The following NPAS3 variants were observed in gnomAD, a reference collection of about 807,000 sequenced individuals.
NPAS3 encodes neuronal PAS domain-containing protein 3.
In NPAS3, 14 loss-of-function variants were observed where a neutral mutation model predicts 73.1. That is an observed-to-expected ratio of 0.19 (90% CI 0.13 to 0.30). The LOEUF (loss-of-function observed/expected upper bound fraction) is 0.30. Among genes scored for constraint, NPAS3 ranks in the 10% least tolerant of loss-of-function variants. The probability of loss-of-function intolerance (pLI) is 1.00; values close to 1 mark genes in which losing one functional copy is unlikely to be tolerated. For missense variants in NPAS3, 1,096 were observed against 1,250.0 expected, an observed-to-expected ratio of 0.88 and a Z score of 1.86; for synonymous variants, 620 against 541.5, an observed-to-expected ratio of 1.14 and a Z score of -2.01.
chr14:33,066,649 A>G (rs934832917), intron 2 of NPAS3, among the ~76,000 whole-genome samples: 19 of 152,174 alleles, frequency 1.2e-4, no homozygotes, highest in Non-Finnish European at 2.5e-4. Context: ...GCTGTGGTAC[A>G]GAGTGTCCTG....
chr14:33,761,546 G>C (rs1037371661), intron 7 of NPAS3, among the ~76,000 whole-genome samples: 16 of 152,002 alleles, frequency 1.1e-4, no homozygotes, highest in Non-Finnish European at 1.5e-5. Context: ...TTGAACTCAA[G>C]GGGGTTTCAG....
At chr14:33,606,381 T>C (rs1223741530) in intron 5 of NPAS3, among the ~76,000 whole-genome samples, 2 of 151,900 alleles carry the variant, frequency 1.3e-5, no homozygotes, top group Admixed American at 6.6e-5. Flanking sequence ...ATTTCATCCA[T>C]GTCCCTACAA....
chr14:33,701,176 A>C (rs967790764), intron 6 of NPAS3, among the ~76,000 whole-genome samples: 2 of 152,244 alleles, frequency 1.3e-5, no homozygotes, highest in Admixed American at 6.5e-5. Context: ...CAGCCTACCA[A>C]GTATTTTCAA....
At position 33,368,248 on chromosome 14, in the gene NPAS3, A is replaced by G. The variant is rs2045928575; in HGVS notation, c.468+980A>G. The stretch of plus-strand genomic sequence containing the variant: ...CCTTTTCTAGGTTGTCAAAAGTAAT[A>G]CTACATTTAGCATATTATCTTTTAA... On this transcript the variant is annotated intron_variant, in intron 4 of 11. Transcript: ENST00000356141. Among the ~76,000 whole-genome samples, 3 of 152,026 alleles carry G rather than the reference A, an allele frequency of 2.0e-5. No individual in the cohort carries two copies. In the South Asian group the frequency reaches 6.2e-4, roughly 32 times the overall value.
chr14:33,326,607 C>T (rs6571593), intron 3 of NPAS3, among the ~76,000 whole-genome samples: 81,573 of 152,060 alleles, frequency 0.54, 24,221 homozygotes, highest in African/African-American at 0.81. Flanking sequence ...ACGTGAAAAT[C>T]TAACTGCCAA....
chr14:33,803,581 G>A (rs1379705747), downstream of NPAS3: 6 of 151,984 alleles, frequency 3.9e-5, no homozygotes, highest in Non-Finnish European at 8.8e-5. Context: ...CAGCTACAAA[G>A]AACAGCTAGA....
At chr14:33,596,231 C>T (rs759133919) in intron 5 of NPAS3, among the ~76,000 whole-genome samples, 24 of 152,150 alleles carry the variant, frequency 1.6e-4, no homozygotes, top group Non-Finnish European at 3.2e-4. Context: ...CAGTTTGTCA[C>T]TTGTATTTGT....
At chr14:33,583,607 G>A (rs973001133) in intron 5 of NPAS3, among the ~76,000 whole-genome samples, 2 of 152,108 alleles carry the variant, frequency 1.3e-5, no homozygotes, top group Non-Finnish European at 2.9e-5. Context: ...TAATTCCATA[G>A]CAGAGAAACA....
intron 5 of NPAS3, among the ~76,000 whole-genome samples, chr14:33,565,903 A>C (rs995517051): frequency 5.9e-5 from 9 of 152,030 alleles, no homozygotes; most frequent in Admixed American, 5.9e-4. Flanking sequence ...TTTTAAAAAA[A>C]AGCAGAAAAA....
intron 1 of NPAS3, among the ~76,000 whole-genome samples, chr14:32,972,324 G>C (rs1369348842): frequency 6.6e-6 from 1 of 152,124 alleles, no homozygotes; most frequent in African/African-American, 2.4e-5. Context: ...GAAACTTGAT[G>C]TTTTAGTGAC....
chr14:33,524,060 T>C (rs932842554), intron 4 of NPAS3, among the ~76,000 whole-genome samples: 1 of 152,168 alleles, frequency 6.6e-6, no homozygotes, highest in African/African-American at 2.4e-5. Context: ...TCAGATGGAC[T>C]TTGGGGAAAT....
chr14:33,004,817 C>CTTTTTTTTTTTTTTTT lies in NPAS3; in HGVS notation c.51-51084_51-51069dup. ...CTTTTTTCTATTGTAAAAAGTTTTC[C>CTTTTTTTTTTTTTTTT]TTTTTTTTTTTTTTTTTTTAGTTTT... On this transcript the variant is annotated intron_variant, in intron 1 of 11. Coordinates refer to ENST00000356141, the Ensembl canonical transcript of NPAS3. Among the ~76,000 whole-genome samples, 466 of 63,770 alleles carry CTTTTTTTTTTTTTTTT rather than the reference C, an allele frequency of 7.3e-3. 32 individuals carry two copies. The highest frequency in any genetic ancestry group is 0.011 in the Middle Eastern group (1 of 88). 41.8% of individuals were successfully genotyped at this position (63,770 alleles called of 152,430 possible). A position where few individuals can be genotyped will look rare whatever the true frequency, so the allele number is the denominator to read the frequency against.
chr14:33,754,106 C>G (rs1720816135), intron 7 of NPAS3, among the ~76,000 whole-genome samples: 1 of 152,150 alleles, frequency 6.6e-6, no homozygotes, highest in East Asian at 1.9e-4. Context: ...CCCGCGACCC[C>G]ACTGGGGTGG....
chr14:33,204,116 G>A (rs1286125789), intron 2 of NPAS3, among the ~76,000 whole-genome samples: 1 of 152,114 alleles, frequency 6.6e-6, no homozygotes, highest in South Asian at 2.1e-4. Flanking sequence ...GCATAAATGG[G>A]CTGAGCACTT....
At chr14:33,639,314 A>T (rs2058612772) in intron 5 of NPAS3, among the ~76,000 whole-genome samples, 1 of 152,252 alleles carries the variant, frequency 6.6e-6, no homozygotes, top group Non-Finnish European at 1.5e-5. Flanking sequence ...AGCTAGAGAC[A>T]AATTTAAAAT....
intron 4 of NPAS3, among the ~76,000 whole-genome samples, chr14:33,434,807 G>A (rs1441942496): frequency 3.3e-5 from 5 of 152,074 alleles, no homozygotes; most frequent in Non-Finnish European, 4.4e-5. Context: ...TTGAATGAAC[G>A]GATCATTCAC....
chr14:33,461,682 A>G (rs958422589), intron 4 of NPAS3, among the ~76,000 whole-genome samples: 4 of 152,234 alleles, frequency 2.6e-5, no homozygotes, highest in Non-Finnish European at 4.4e-5. Context: ...AGCAGGTTCC[A>G]GTTTGAAATC....
intron 1 of NPAS3, among the ~76,000 whole-genome samples, chr14:33,033,627 C>A (rs1410514862): frequency 6.6e-6 from 1 of 152,024 alleles, no homozygotes; most frequent in Admixed American, 6.6e-5. Flanking sequence ...TATTCTCTGC[C>A]CAATGGTTCA....
At chr14:33,394,697 A>T (rs773578146) in intron 4 of NPAS3, among the ~76,000 whole-genome samples, 2 of 152,210 alleles carry the variant, frequency 1.3e-5, no homozygotes, top group Non-Finnish European at 2.9e-5. Context: ...TCCCAGACCA[A>T]AAGAAATATA....
Sources: gnomAD v4.1 joint callset for allele counts (sites outside exome capture counted in the v4.1 genomes callset) on GRCh38, gnomAD v4.1.1 for gene constraint, MANE v1.5 for transcripts, NCBI Gene and HGNC (gene_info 2026-07-23, HGNC 2026-07-21) for gene names.